Variants in STXBP5L observed in about 807,000 individuals in gnomAD.
STXBP5L encodes syntaxin binding protein 5L.
A neutral mutation model predicts 144.5 loss-of-function variants in STXBP5L; 65 were observed. The ratio of observed to expected loss-of-function variants is 0.45; its 90% confidence interval spans 0.37 to 0.55. STXBP5L has a LOEUF of 0.55. Ranked by LOEUF, STXBP5L falls within the 20% of genes least tolerant of loss-of-function variation. The probability of loss-of-function intolerance (pLI) is 0.00; values close to 1 mark genes in which losing one functional copy is unlikely to be tolerated. For synonymous variants in STXBP5L, 505 were observed against 469.6 expected, an observed-to-expected ratio of 1.08 and a Z score of -0.97; for missense variants, 1,298 against 1,405.5, an observed-to-expected ratio of 0.92 and a Z score of 1.22.
intron 2 of STXBP5L, among the ~76,000 whole-genome samples, chr3:120,949,993 T>C (rs1559899808): frequency 6.6e-6 from 1 of 152,110 alleles, no homozygotes; most frequent in East Asian, 1.9e-4. Context: ...GAAACCATTG[T>C]CTACCTTTCC....
chr3:120,974,680 G>A (rs556847761), intron 3 of STXBP5L, among the ~76,000 whole-genome samples: 4 of 152,120 alleles, frequency 2.6e-5, no homozygotes, highest in South Asian at 2.1e-4. Context: ...TTTTAGGTCT[G>A]ACGTTTAAGT....
chr3:121,118,965 A>AT (rs1280049145), intron 6 of STXBP5L, among the ~76,000 whole-genome samples: 1 of 151,500 alleles, frequency 6.6e-6, no homozygotes, highest in African/African-American at 2.4e-5. Context: ...GGTGGGATAT[A>AT]TATGGATCTG....
intron 20 of STXBP5L, among the ~76,000 whole-genome samples, chr3:121,322,064 T>C (rs953945467): frequency 3.9e-5 from 6 of 152,290 alleles, no homozygotes; most frequent in Non-Finnish European, 7.4e-5. Context: ...CTTATGTCCA[T>C]GAATACCCAA....
intron 3 of STXBP5L, among the ~76,000 whole-genome samples, chr3:120,999,807 A>G (rs894439948): frequency 1.3e-5 from 2 of 152,144 alleles, no homozygotes; most frequent in South Asian, 2.1e-4. Context: ...TGTCTGAAAA[A>G]TATTGCATTT....
intron 20 of STXBP5L, among the ~76,000 whole-genome samples, chr3:121,328,450 TA>T (rs1452207575): frequency 6.6e-6 from 1 of 152,124 alleles, no homozygotes; most frequent in Non-Finnish European, 1.5e-5. Context: ...TTTGTGTTCT[TA>T]AAAACTAGGC....
At chr3:121,168,136 A>G (rs1300006138) in intron 9 of STXBP5L, among the ~76,000 whole-genome samples, 1 of 152,218 alleles carries the variant, frequency 6.6e-6, no homozygotes, top group African/African-American at 2.4e-5. Flanking sequence ...AAGAGCATCA[A>G]CATCAACAAA....
intron 5 of STXBP5L, among the ~76,000 whole-genome samples, chr3:121,109,465 G>A (rs1007988135): frequency 7.2e-5 from 11 of 152,048 alleles, no homozygotes; most frequent in African/African-American, 2.4e-4. Flanking sequence ...CTTGATTTCT[G>A]CCTTAATTTC....
At chr3:120,988,506 ATTTGT>A (rs1559959800) in intron 3 of STXBP5L, among the ~76,000 whole-genome samples, 1 of 151,848 alleles carries the variant, frequency 6.6e-6, no homozygotes, top group Admixed American at 6.6e-5. Context: ...AGTTTTTGAG[ATTTGT>A]TTTATTGCCT....
intron 20 of STXBP5L, among the ~76,000 whole-genome samples, chr3:121,336,510 C>T (rs1211209748): frequency 3.3e-5 from 5 of 151,824 alleles, no homozygotes; most frequent in Non-Finnish European, 7.4e-5. Flanking sequence ...AACCAGCCAA[C>T]CAACCAACCA....
At chr3:121,351,884 T>G (rs2045297396) in intron 20 of STXBP5L, among the ~76,000 whole-genome samples, 1 of 152,146 alleles carries the variant, frequency 6.6e-6, no homozygotes, top group South Asian at 2.1e-4. Flanking sequence ...AGGGATCCAG[T>G]TTCAGCTTTT....
At chr3:121,314,520 G>T in intron 19 of STXBP5L, among the ~76,000 whole-genome samples, 1 of 146,526 alleles carries the variant, frequency 6.8e-6, no homozygotes, top group East Asian at 2.1e-4. Context: ...AGGCAGGGAG[G>T]TTGCAGTGAG....
chr3:121,307,255 A>G (rs984425267), intron 19 of STXBP5L, among the ~76,000 whole-genome samples: 1 of 152,216 alleles, frequency 6.6e-6, no homozygotes, highest in Non-Finnish European at 1.5e-5. Context: ...TCAACAAAAT[A>G]TCATGAGACT....
chr3:121,315,771 G>T (rs898365146), intron 19 of STXBP5L, among the ~76,000 whole-genome samples: 1 of 152,060 alleles, frequency 6.6e-6, no homozygotes, highest in African/African-American at 2.4e-5. Flanking sequence ...GGAGGCTGAG[G>T]CAGGCAGATC....
At chr3:121,089,092 TAAAAA>T (rs375977537) in intron 5 of STXBP5L, among the ~76,000 whole-genome samples, 906 of 56,160 alleles carry the variant, frequency 0.016, 3 homozygotes, top group Middle Eastern at 0.045. Flanking sequence ...TAGAGTATAA[TAAAAA>T]AAAAAAAAAA....
intron 7 of STXBP5L, among the ~76,000 whole-genome samples, chr3:121,128,364 A>G (rs370053446): frequency 2.4e-4 from 37 of 152,068 alleles, no homozygotes; most frequent in African/African-American, 8.9e-4. Flanking sequence ...TCAGGGGATG[A>G]TAATGTTAAA....
chr3:121,018,758 G>A (rs1288596483), intron 3 of STXBP5L, among the ~76,000 whole-genome samples: 1 of 152,148 alleles, frequency 6.6e-6, no homozygotes, highest in East Asian at 1.9e-4. Flanking sequence ...ATAGGAGGCG[G>A]AACTAACTTG....
intron 19 of STXBP5L, among the ~76,000 whole-genome samples, chr3:121,289,807 ATAGT>A (rs2051362468): frequency 6.6e-6 from 1 of 152,250 alleles, no homozygotes; most frequent in Non-Finnish European, 1.5e-5. Context: ...CCCCTGAATG[ATAGT>A]TGGGTCAACA....
chr3:120,950,073 TA>T (rs1158800214), intron 2 of STXBP5L, among the ~76,000 whole-genome samples: 1 of 152,010 alleles, frequency 6.6e-6, no homozygotes, highest in African/African-American at 2.4e-5. Context: ...AATTAAAAAA[TA>T]ATTTAAAAAA....
At chr3:121,181,644 G>A (rs548576019) in intron 9 of STXBP5L, among the ~76,000 whole-genome samples, 4 of 151,548 alleles carry the variant, frequency 2.6e-5, no homozygotes, top group African/African-American at 9.7e-5. Context: ...TGAGGCAGGA[G>A]AATTGCTTGA....
Sources: gnomAD v4.1 joint callset for allele counts (sites outside exome capture counted in the v4.1 genomes callset) on GRCh38, gnomAD v4.1.1 for gene constraint, MANE v1.5 for transcripts, NCBI Gene and HGNC (gene_info 2026-07-23, HGNC 2026-07-21) for gene names.